Variants in RIPOR2 observed in about 807,000 individuals in gnomAD.
The protein encoded by RIPOR2 is rho family-interacting cell polarization regulator 2.
Under a neutral mutation model 114.5 loss-of-function variants are expected in RIPOR2, and 39 were observed. The observed-to-expected ratio is 0.34, with a 90% confidence interval of 0.26 to 0.44. RIPOR2 has a LOEUF of 0.44. RIPOR2 is among the 20% of genes least tolerant of loss of function. The pLI, the probability that RIPOR2 is intolerant of heterozygous loss-of-function variation, is 1.00. For missense variants in RIPOR2, 1,007 were observed against 1,255.1 expected (o/e 0.80, Z 2.99); for synonymous variants, 445 against 484.4 (o/e 0.92, Z 1.07).
At chr6:24,832,188 A>G in intron 16 of RIPOR2, 68 bp downstream of exon 16, 1 of 1,431,926 alleles carries the variant, frequency 7.0e-7, no homozygotes. Context: ...ATGAACATGC[A>G]TAGGGAGTGG....
At chr6:24,839,631 A>G (rs1761453452) in intron 13 of RIPOR2, 1 of 1,537,858 alleles carries the variant, frequency 6.5e-7, no homozygotes, top group African/African-American at 1.4e-5. Context: ...AAAAGTTGAA[A>G]AAAAACAAAA....
At chr6:24,981,260 T>G (rs184290567) in intron 1 of RIPOR2, among the ~76,000 whole-genome samples, 2 of 152,302 alleles carry the variant, frequency 1.3e-5, no homozygotes, top group East Asian at 3.9e-4. Context: ...CCCTTCCCCA[T>G]AGAGCCATAG....
intron 1 of RIPOR2, among the ~76,000 whole-genome samples, chr6:24,900,144 C>T (rs957951723): frequency 1.3e-5 from 2 of 152,154 alleles, no homozygotes; most frequent in African/African-American, 2.4e-5. Flanking sequence ...TGGGAGAACT[C>T]GGGCTTTTTG....
At chr6:25,000,860 T>TG (rs11423069) in intron 1 of RIPOR2, among the ~76,000 whole-genome samples, 52,221 of 152,000 alleles carry the variant, frequency 0.34, 9,420 homozygotes, top group South Asian at 0.43. Context: ...CGTGGAGAAA[T>TG]GCTTTCTCCA....
chr6:24,866,991 A>T (rs1764673935), intron 6 of RIPOR2, among the ~76,000 whole-genome samples: 1 of 152,222 alleles, frequency 6.6e-6, no homozygotes, highest in South Asian at 2.1e-4. Context: ...GCATTACTAT[A>T]ACCTGTTTGA....
intron 13 of RIPOR2, chr6:24,840,624 G>T: frequency 6.5e-7 from 1 of 1,528,222 alleles, no homozygotes; most frequent in East Asian, 2.5e-5. Flanking sequence ...GAAGGGCCTT[G>T]CAGGGATCTG....
At chr6:24,880,149 A>T (rs1766211683) in intron 1 of RIPOR2, among the ~76,000 whole-genome samples, 1 of 152,262 alleles carries the variant, frequency 6.6e-6, no homozygotes, top group African/African-American at 2.4e-5. Flanking sequence ...CTCTAGGGAA[A>T]TACCCAAATG....
At chr6:24,839,390 T>G (rs1043541008) in intron 13 of RIPOR2, 118 bp from the exon 14 acceptor site, 11 of 1,437,744 alleles carry the variant, frequency 7.7e-6, no homozygotes, top group Non-Finnish European at 9.2e-6. Flanking sequence ...TTATTTTTTG[T>G]TAGCATTTAA....
chr6:24,919,650 G>A (rs1252296929), intron 1 of RIPOR2, among the ~76,000 whole-genome samples: 1 of 152,188 alleles, frequency 6.6e-6, no homozygotes, highest in Non-Finnish European at 1.5e-5. Flanking sequence ...GCTCTCGTTT[G>A]TTCTCTGCAC....
Position 24,843,446 on chromosome 6 carries a change from G to A in RIPOR2, c.1273C>T (p.His425Tyr), listed in dbSNP as rs1761938780. ...LPNGDCALTS[H>Y]STGSPSNSTN... ...GAGTTGGAAGGGGAGCCTGTTGAGT[G>A]GGAGGTGAGGGCGCAGTCCCCGTTG... The change falls in exon 13 of 22, where the codon CAC (histidine) becomes TAC (tyrosine). Residue 425 changes from histidine to tyrosine, a missense_variant. By Grantham distance (83) the His-to-Tyr change is moderately conservative. Coordinates refer to ENST00000643898, the MANE Select transcript of RIPOR2 (RefSeq NM_001286445.3). 6.2e-7 allele frequency: 1 copy of A among 1,611,842 alleles called. No homozygotes were observed. The highest frequency in any genetic ancestry group is 8.5e-7 in the Non-Finnish European group (1 of 1,178,126).
At chr6:24,963,330 G>A (rs1326372633) in intron 1 of RIPOR2, among the ~76,000 whole-genome samples, 2 of 152,196 alleles carry the variant, frequency 1.3e-5, no homozygotes, top group Admixed American at 6.5e-5. Context: ...ACCATGCCTG[G>A]TCGCATGTGT....
intron 1 of RIPOR2, among the ~76,000 whole-genome samples, chr6:24,894,227 C>T (rs1432512737): frequency 6.6e-6 from 1 of 152,210 alleles, no homozygotes; most frequent in Non-Finnish European, 1.5e-5. Context: ...GCAGACTGCA[C>T]TTTTCCAAAT....
chr6:24,895,214 G>A (rs529188683), intron 1 of RIPOR2, among the ~76,000 whole-genome samples: 128 of 152,186 alleles, frequency 8.4e-4, no homozygotes, highest in African/African-American at 3.0e-3. Flanking sequence ...CACCATGCCC[G>A]GCTAATTTTT....
chr6:24,860,600 G>A (rs1763980066), intron 8 of RIPOR2, among the ~76,000 whole-genome samples: 1 of 152,190 alleles, frequency 6.6e-6, no homozygotes, highest in South Asian at 2.1e-4. Context: ...GTGTATAGCA[G>A]CAGACTGACA....
In RIPOR2 at chr6:24,832,370, T is replaced by A; in HGVS notation, c.2230A>T (p.Thr744Ser). The A allele has an allele frequency of 6.4e-7, 1 of 1,552,024 alleles. No homozygotes were observed. The highest frequency in any genetic ancestry group is 8.7e-7 in the Non-Finnish European group (1 of 1,147,016). Residue 744 changes from threonine to serine, a missense_variant, in exon 16 of 22, where the codon ACC becomes TCC. Thr to Ser is a moderately conservative substitution (Grantham distance 58). Transcript: ENST00000643898. ...LVQQIVFSSKTPFVARSLLEK... is the reference protein window; with the variant it reads ...LVQQIVFSSKSPFVARSLLEK... ...AAGAGACTTCTTGCCACAAATGGGG[T>A]TTTGCTTGAGAAAACAATTTGCTGG...
At chr6:24,818,905 C>T (rs1466486791) in intron 19 of RIPOR2, among the ~76,000 whole-genome samples, 1 of 151,654 alleles carries the variant, frequency 6.6e-6, no homozygotes, top group Non-Finnish European at 1.5e-5. Context: ...TTTTATTGGC[C>T]ACCTAAAGGT....
chr6:24,926,339 T>C (rs1770858343), intron 1 of RIPOR2, among the ~76,000 whole-genome samples: 1 of 152,228 alleles, frequency 6.6e-6, no homozygotes, highest in Non-Finnish European at 1.5e-5. Context: ...CCAGCATTTC[T>C]GGAGGAGGCA....
intron 1 of RIPOR2, among the ~76,000 whole-genome samples, chr6:24,907,048 T>C (rs1769073168): frequency 6.6e-6 from 1 of 152,204 alleles, no homozygotes; most frequent in Non-Finnish European, 1.5e-5. Context: ...TTCTCCCAAA[T>C]TATATAACAT....
intron 1 of RIPOR2, among the ~76,000 whole-genome samples, chr6:25,039,597 G>A (rs1215701897): frequency 6.6e-6 from 1 of 152,166 alleles, no homozygotes; most frequent in Admixed American, 6.5e-5. Context: ...TGAAATTTCT[G>A]TAGTAAAGCA....
Sources: allele counts gnomAD v4.1 joint callset (sites outside exome capture counted in the v4.1 genomes callset), GRCh38; gene constraint gnomAD v4.1.1; transcripts MANE v1.5; gene names NCBI Gene and HGNC (gene_info 2026-07-23, HGNC 2026-07-21).